SLC67A1: variants seen among roughly 807,000 people sequenced by gnomAD.
The protein encoded by SLC67A1 is solute carrier family 67 member A1.
the SLC67A1 span, chr11:2,916,951 A>G: frequency 1.9e-6 from 1 of 536,284 alleles, no homozygotes; most frequent in African/African-American, 2.0e-5. Context: ...GGGCTCCGGC[A>G]GGCAGGGAGG....
the SLC67A1 span, among the ~76,000 whole-genome samples, chr11:2,924,061 T>C: frequency 6.6e-6 from 1 of 152,182 alleles, no homozygotes; most frequent in African/African-American, 2.4e-5. This position sits in a 1 kb window ranked among gnomAD's most constrained non-coding sequence, Gnocchi z 8.6. Context: ...CCAGAGGCAG[T>C]GTCCTCCCAC....
chr11:2,902,730 C>T, the SLC67A1 span: 1 of 985,578 alleles, frequency 1.0e-6, no homozygotes, highest in Non-Finnish European at 1.2e-6. Context: ...TAAGGCAGAG[C>T]TACTGGGGAG....
the SLC67A1 span, chr11:2,916,634 G>C: frequency 6.2e-7 from 1 of 1,612,044 alleles, no homozygotes; most frequent in Non-Finnish European, 8.5e-7. Context: ...TTCAGTGCCC[G>C]GCCATCCTGG....
the SLC67A1 span, chr11:2,919,343 ACTT>A: frequency 6.2e-7 from 1 of 1,613,872 alleles, no homozygotes; most frequent in Non-Finnish European, 8.5e-7. Context: ...ATCTCCATGG[ACTT>A]CTTCCAGCTG....
the SLC67A1 span, among the ~76,000 whole-genome samples, chr11:2,902,873 C>T: frequency 6.6e-6 from 1 of 152,230 alleles, no homozygotes; most frequent in East Asian, 1.9e-4. Context: ...CCACTGTGGG[C>T]CTACGGAGGG....
At chr11:2,918,636 C>G in the SLC67A1 span, among the ~76,000 whole-genome samples, 2 of 152,230 alleles carry the variant, frequency 1.3e-5, no homozygotes, top group Admixed American at 1.3e-4. Flanking sequence ...CCTGTCCCAC[C>G]CAGCCCACCT....
chr11:2,922,128 G>T, the SLC67A1 span: 1 of 1,613,474 alleles, frequency 6.2e-7, no homozygotes, highest in Non-Finnish European at 8.5e-7. Context: ...TCATCGGGCA[G>T]CTGAGCAGCC....
chr11:2,907,355 C>CG, the SLC67A1 span, among the ~76,000 whole-genome samples: 21 of 152,310 alleles, frequency 1.4e-4, no homozygotes, highest in African/African-American at 5.1e-4. This position sits in a 1 kb window ranked among gnomAD's most constrained non-coding sequence, Gnocchi z 6.7. Context: ...CTGAAACCCA[C>CG]GGGGGAGGAT....
At chr11:2,924,902 T>G in the SLC67A1 span, 4 of 986,470 alleles carry the variant, frequency 4.1e-6, no homozygotes, top group South Asian at 4.7e-5. The surrounding 1 kb of genome is among the most constrained non-coding windows in gnomAD (Gnocchi z 8.6). Context: ...GACTGCGCCG[T>G]GAGGTCAGGG....
chr11:2,900,577 C>A, the SLC67A1 span, among the ~76,000 whole-genome samples: 1 of 151,122 alleles, frequency 6.6e-6, no homozygotes, highest in Admixed American at 6.7e-5. Flanking sequence ...CCTGTAGTCC[C>A]AGCTACTCGG....
At chr11:2,909,556 A>G in the SLC67A1 span, 1 of 1,518,578 alleles carries the variant, frequency 6.6e-7, no homozygotes, top group Non-Finnish European at 8.8e-7. Flanking sequence ...TTCGCCGCTC[A>G]GCTCCCCCGC....
At chr11:2,909,270 T>A in the SLC67A1 span, 1 of 1,535,380 alleles carries the variant, frequency 6.5e-7, no homozygotes. Flanking sequence ...TACCTGCTCC[T>A]GGCGGCCGCC....
the SLC67A1 span, among the ~76,000 whole-genome samples, chr11:2,910,197 ACTGATGGCTG>A: frequency 6.6e-6 from 1 of 151,894 alleles, no homozygotes; most frequent in Non-Finnish European, 1.5e-5. Context: ...TGGGCTGGGG[ACTGATGGCTG>A]CTGATGGCTG....
At chr11:2,911,235 A>T in the SLC67A1 span, among the ~76,000 whole-genome samples, 11 of 152,082 alleles carry the variant, frequency 7.2e-5, no homozygotes, top group African/African-American at 2.7e-4. Context: ...AAGTCGTGCT[A>T]TAAATGGGGG....
chr11:2,918,005 G>A, the SLC67A1 span: 1 of 1,613,276 alleles, frequency 6.2e-7, no homozygotes, highest in African/African-American at 1.3e-5. Flanking sequence ...CCGGGCCAGT[G>A]TGTTCGACCT....
chr11:2,921,814 C>T, the SLC67A1 span: 3 of 398,602 alleles, frequency 7.5e-6, no homozygotes, highest in Non-Finnish European at 1.4e-5. Context: ...GCGGCCGAGC[C>T]TGTCCCACCG....
the SLC67A1 span, chr11:2,909,449 G>A: frequency 1.1e-4 from 152 of 1,438,010 alleles, 1 homozygote; most frequent in Non-Finnish European, 1.3e-4. Flanking sequence ...GCGTGCGCGC[G>A]GGGTCTGGCC....
At chr11:2,922,137 C>T in the SLC67A1 span, 1 of 1,613,654 alleles carries the variant, frequency 6.2e-7, no homozygotes, top group Non-Finnish European at 8.5e-7. Flanking sequence ...AGCTGAGCAG[C>T]CACTTCTCGG....
At chr11:2,909,487 A>C in the SLC67A1 span, 15 of 1,086,498 alleles carry the variant, frequency 1.4e-5, no homozygotes, top group Non-Finnish European at 1.7e-5. Flanking sequence ...GTGGGGGGCG[A>C]CGTGGGGCGT....
Sources: gnomAD v4.1 joint callset for allele counts (sites outside exome capture counted in the v4.1 genomes callset) on GRCh38, gnomAD v4.1.1 for gene constraint, Gnocchi (gnomAD v3.1) non-coding constraint, MANE v1.5 for transcripts, NCBI Gene and HGNC (gene_info 2026-07-23, HGNC 2026-07-21) for gene names.